The following MTR variants were observed in gnomAD, a reference collection of about 807,000 sequenced individuals.
MTR encodes the protein methionine synthase.
In MTR, 84 loss-of-function variants were observed where a neutral mutation model predicts 154.8. The observed-to-expected ratio is 0.54, with a 90% CI of 0.45 to 0.65. MTR has a LOEUF of 0.65. Ranked by LOEUF, MTR falls within the 30% of genes least tolerant of loss-of-function variation. The pLI, the probability that MTR is intolerant of heterozygous loss-of-function variation, is 0.00. For synonymous variants in MTR, 554 were observed against 553.9 expected (o/e 1.00, Z 0.00); for missense variants, 1,275 against 1,570.2 (o/e 0.81, Z 3.18).
At chr1:236,854,501 A>G (rs1664091088) in intron 18 of MTR, among the ~76,000 whole-genome samples, 2 of 152,150 alleles carry the variant, frequency 1.3e-5, no homozygotes, top group Non-Finnish European at 2.9e-5. Context: ...TGGGCGTTAA[A>G]CACTATTCAG....
intron 11 of MTR, among the ~76,000 whole-genome samples, chr1:236,827,701 C>T (rs1340183834): frequency 6.6e-6 from 1 of 152,118 alleles, no homozygotes; most frequent in African/African-American, 2.4e-5. Flanking sequence ...TTCATGTTTT[C>T]AAGTGTGCAT....
chr1:236,823,365 AAGTTTCATATTTTG>A (rs1662086758), intron 8 of MTR, among the ~76,000 whole-genome samples: 1 of 152,146 alleles, frequency 6.6e-6, no homozygotes, highest in South Asian at 2.1e-4. Context: ...AGTTCTCAAA[AAGTTTCATATTTTG>A]AAGTATTTTG....
rs1271547367 is a variant in MTR, at chr1:236,795,421, C to T, written c.-283C>T. The T allele has an allele frequency of 8.9e-6, 13 of 1,468,144 alleles. No individual in the cohort carries two copies. Among genetic ancestry groups the T allele is most frequent in the Admixed American group, 2.1e-5 (1 of 48,712 alleles). 90.9% of individuals were successfully genotyped at this position (1,468,144 alleles called of 1,614,324 possible). On this transcript the variant is annotated 5_prime_UTR_variant, in exon 1 of 33. Coordinates refer to ENST00000366577, the MANE Select transcript of MTR (RefSeq NM_000254.3). ...TCCCGCGACTCCGCCTCTGGCCGCG[C>T]GTGTCTGGCTGCTAGGCCGACACCA...
chr1:236,807,816 G>A (rs1353505135), intron 3 of MTR, among the ~76,000 whole-genome samples: 4 of 152,078 alleles, frequency 2.6e-5, no homozygotes, highest in African/African-American at 7.2e-5. Flanking sequence ...TACATATTTC[G>A]GCTTTGTTAG....
chr1:236,808,461 T>A (rs1490905988), intron 3 of MTR, among the ~76,000 whole-genome samples: 1 of 152,222 alleles, frequency 6.6e-6, no homozygotes, highest in African/African-American at 2.4e-5. Flanking sequence ...TTGCCCTTTT[T>A]ACTGGCTAGC....
chr1:236,852,105 T>A (rs1418766208), intron 16 of MTR, among the ~76,000 whole-genome samples: 1 of 152,236 alleles, frequency 6.6e-6, no homozygotes. Context: ...TGCTTGATAC[T>A]GTCATCGGTA....
At chr1:236,852,470 C>A in intron 16 of MTR, 51 bp from the exon 17 acceptor site, 1 of 1,330,866 alleles carries the variant, frequency 7.5e-7, no homozygotes, top group Non-Finnish European at 1.1e-6. Context: ...GATGTGATTG[C>A]TGTTTTTGGC....
intron 5 of MTR, among the ~76,000 whole-genome samples, chr1:236,811,215 C>A (rs996117238): frequency 6.6e-6 from 1 of 152,096 alleles, no homozygotes; most frequent in South Asian, 2.1e-4. Context: ...CTTATTCACT[C>A]TTATAAGAAC....
rs1284394856 is a variant in MTR at position 236,850,472 on chromosome 1, G to T, written c.1644G>T (p.Glu548Asp). The T allele has an allele frequency of 6.2e-7, 1 of 1,613,530 alleles. No individual in the cohort carries two copies. Among genetic ancestry groups the T allele is most frequent in the African/African-American group, 1.3e-5 (1 of 74,796 alleles). ...TCCTAACCATTGGGACTGGAATGGA[G>T]GAACACAACTTGTATGCCATTAATT... ...PNILTIGTGMEEHNLYAINFI... is the reference protein window; with the variant it reads ...PNILTIGTGMDEHNLYAINFI... Residue 548 changes from glutamate (E) to aspartate (D), a missense_variant, in exon 16 of 33, where the codon GAG becomes GAT. By Grantham distance (45) the Glu-to-Asp change is conservative. Transcript: ENST00000366577.
intron 15 of MTR, among the ~76,000 whole-genome samples, chr1:236,846,972 C>T (rs1045833622): frequency 2.0e-5 from 3 of 152,084 alleles, no homozygotes; most frequent in African/African-American, 4.8e-5. Context: ...CTGCAACCTC[C>T]GCTTCCCGGG....
chr1:236,885,810 A>G (rs1011191911), intron 26 of MTR, among the ~76,000 whole-genome samples: 10 of 152,196 alleles, frequency 6.6e-5, no homozygotes, highest in African/African-American at 2.4e-4. Flanking sequence ...GTTGCTAGGC[A>G]AGTGAAATGA....
At chr1:236,828,329 G>A (rs1357188029) in intron 11 of MTR, among the ~76,000 whole-genome samples, 1 of 152,132 alleles carries the variant, frequency 6.6e-6, no homozygotes, top group East Asian at 1.9e-4. Context: ...GCTGTCAGTA[G>A]TTAAATATTG....
intron 11 of MTR, among the ~76,000 whole-genome samples, chr1:236,828,100 C>G (rs1371041295): frequency 3.3e-5 from 5 of 152,122 alleles, no homozygotes. Context: ...GCCTCAGCCT[C>G]CTGAGTAGCT....
rs536836789 is a variant in MTR at position 236,893,999 on chromosome 1, A to T, written c.3205-358A>T. On this transcript the variant is annotated intron_variant, in intron 29 of 32. Coordinates refer to ENST00000366577, the MANE Select transcript of MTR (RefSeq NM_000254.3). ...CTTAATTGAAAACACTTGGGGACAA[A>T]TTTTTTTTTTTTTTTAAACCGTGAC... Among the ~76,000 whole-genome samples, 5 of 146,334 alleles carry T rather than the reference A, an allele frequency of 3.4e-5. No individual in the cohort carries two copies. In the South Asian group the frequency reaches 8.7e-4, roughly 25 times the overall value.
intron 15 of MTR, among the ~76,000 whole-genome samples, chr1:236,846,641 A>C (rs772352446): frequency 2.0e-5 from 3 of 152,192 alleles, no homozygotes; most frequent in Non-Finnish European, 4.4e-5. Context: ...TCAATTACTC[A>C]TTCAATGGAG....
chr1:236,801,988 A>C (rs1660724012), intron 1 of MTR, among the ~76,000 whole-genome samples: 1 of 152,208 alleles, frequency 6.6e-6, no homozygotes, highest in Admixed American at 6.5e-5. Context: ...TCTCATTTGC[A>C]TGGATGCAAA....
chr1:236,876,549 T>G (rs1008623734), intron 24 of MTR, among the ~76,000 whole-genome samples: 9 of 152,162 alleles, frequency 5.9e-5, no homozygotes, highest in African/African-American at 1.7e-4. Context: ...TAAAGGAACA[T>G]AATTAAAATA....
intron 18 of MTR, 131 bp downstream of exon 18, chr1:236,853,219 TAC>T (rs1664021138): frequency 8.7e-7 from 1 of 1,151,060 alleles, no homozygotes; most frequent in African/African-American, 1.5e-5. Context: ...TGAAGATTTC[TAC>T]AGAGAGTTGC....
At chr1:236,841,227 T>G (rs1339697443) in intron 15 of MTR, among the ~76,000 whole-genome samples, 1 of 152,222 alleles carries the variant, frequency 6.6e-6, no homozygotes, top group Non-Finnish European at 1.5e-5. Context: ...TCTGTACAGC[T>G]TTACTTTTAT....
Sources: gnomAD v4.1 joint callset for allele counts (sites outside exome capture counted in the v4.1 genomes callset) on GRCh38, gnomAD v4.1.1 for gene constraint, MANE v1.5 for transcripts, NCBI Gene and HGNC (gene_info 2026-07-23, HGNC 2026-07-21) for gene names.